Variants in CCSER1 observed in about 807,000 individuals in gnomAD.
CCSER1 encodes the protein coiled-coil serine rich protein 1.
CCSER1 carries 41 observed loss-of-function variants against 82.0 expected under a neutral mutation model. The observed-to-expected ratio is 0.50, with a 90% CI of 0.39 to 0.65. CCSER1 has a LOEUF of 0.65. Among genes scored for constraint, CCSER1 ranks in the 30% least tolerant of loss-of-function variants. The pLI is 0.00. For missense variants in CCSER1, 1,119 were observed against 1,064.2 expected, an observed-to-expected ratio of 1.05 and a Z score of -0.72; for synonymous variants, 414 against 383.9, an observed-to-expected ratio of 1.08 and a Z score of -0.92.
chr4:90,244,724 C>G (rs568648234), intron 1 of CCSER1, among the ~76,000 whole-genome samples: 1 of 152,146 alleles, frequency 6.6e-6, no homozygotes, highest in Admixed American at 6.6e-5. Context: ...ATGGGGAAAC[C>G]GCCCCCATAA....
chr4:90,483,984 A>T (rs189383693), intron 5 of CCSER1, among the ~76,000 whole-genome samples: 58 of 152,258 alleles, frequency 3.8e-4, no homozygotes, highest in African/African-American at 1.3e-3. Flanking sequence ...ACTTGGTTCC[A>T]TTCTCCCCAT....
At chr4:90,641,560 G>A (rs555447583) in intron 6 of CCSER1, among the ~76,000 whole-genome samples, 28 of 152,174 alleles carry the variant, frequency 1.8e-4, no homozygotes, top group Non-Finnish European at 3.5e-4. Context: ...TCCCTGTACA[G>A]CAACATTACT....
At chr4:91,403,167 G>A (rs949588337) in intron 10 of CCSER1, among the ~76,000 whole-genome samples, 18 of 152,108 alleles carry the variant, frequency 1.2e-4, no homozygotes, top group African/African-American at 4.3e-4. Context: ...ATTGTGAATG[G>A]GAGTTCACTC....
At chr4:90,371,499 TGAAAA>T (rs1168807378) in intron 3 of CCSER1, among the ~76,000 whole-genome samples, 1 of 151,638 alleles carries the variant, frequency 6.6e-6, no homozygotes, top group Non-Finnish European at 1.5e-5. Flanking sequence ...TTATACATAA[TGAAAA>T]TAAATAATAA....
chr4:91,340,586 C>A (rs1453071457), intron 10 of CCSER1, among the ~76,000 whole-genome samples: 6 of 152,020 alleles, frequency 3.9e-5, no homozygotes, highest in Non-Finnish European at 7.4e-5. Flanking sequence ...AGAAGAATTG[C>A]ATATTAAATG....
intron 10 of CCSER1, among the ~76,000 whole-genome samples, chr4:91,227,295 A>T (rs888996172): frequency 7.2e-5 from 11 of 152,024 alleles, no homozygotes; most frequent in Middle Eastern, 6.8e-3. Context: ...TAGTTAAAAA[A>T]AAAGGAAACC....
At chr4:90,809,657 A>G (rs376197022) in intron 7 of CCSER1, among the ~76,000 whole-genome samples, 2 of 152,204 alleles carry the variant, frequency 1.3e-5, no homozygotes. Flanking sequence ...GTAACCAAAA[A>G]CCACTTGTAC....
intron 6 of CCSER1, among the ~76,000 whole-genome samples, chr4:90,673,096 A>G (rs896613361): frequency 2.0e-5 from 3 of 152,036 alleles, no homozygotes; most frequent in East Asian, 1.9e-4. Context: ...TATTGGAAAA[A>G]TGGCCCCAAT....
intron 1 of CCSER1, among the ~76,000 whole-genome samples, chr4:90,248,700 AT>A (rs113045025): frequency 0.039 from 5,649 of 143,234 alleles, 245 homozygotes; most frequent in East Asian, 0.23. Context: ...AGAATTTTAG[AT>A]TTTTTTTTTT....
intron 5 of CCSER1, among the ~76,000 whole-genome samples, chr4:90,473,397 C>A (rs147352056): frequency 5.5e-4 from 84 of 152,106 alleles, no homozygotes; most frequent in African/African-American, 2.0e-3. Context: ...TAAATCTAAC[C>A]TTAGGAATAG....
rs566706244 is a variant in CCSER1 at position 90,534,130 on chromosome 4, TTTTG to T, written c.1724+65788_1724+65791del. Among the ~76,000 whole-genome samples the T allele has an allele frequency of 7.2e-5, 11 of 152,258 alleles. No individual in the cohort carries two copies. The South Asian group carries it at 8.3e-4, about 11-fold the overall frequency. On this transcript the variant is annotated intron_variant, in intron 5 of 10. Transcript: ENST00000509176. ...TGGAACAGAAATATGTGCCAGCTCT[TTTTG>T]TTTGTTTGTTTTTGAGACACAGTCT...
chr4:90,432,673 TG>T (rs1452931767), intron 4 of CCSER1, among the ~76,000 whole-genome samples: 1 of 152,008 alleles, frequency 6.6e-6, no homozygotes, highest in African/African-American at 2.4e-5. Context: ...CAGGCTGGCC[TG>T]AAAATCCCAC....
In CCSER1 at chr4:90,533,306, A is replaced by T. The variant is rs527884278; in HGVS notation, c.1724+64952A>T. On this transcript the variant is annotated intron_variant, in intron 5 of 10. Coordinates refer to ENST00000509176, the MANE Select transcript of CCSER1 (RefSeq NM_001145065.2). ...GAGACGGGGTTTCACCGTGTTAGCC[A>T]GGATGGTCTCCATCTCCTGACCTAG... Among the ~76,000 whole-genome samples, 21 of 152,082 alleles carry T rather than the reference A, an allele frequency of 1.4e-4. No individual in the cohort carries two copies. In the East Asian group the frequency reaches 3.7e-3, roughly 27 times the overall value.
rs373687296 is a variant in CCSER1, at chr4:90,906,093, A to G, written c.2095-17277A>G. On this transcript the variant is annotated intron_variant, in intron 8 of 10. Transcript: ENST00000509176. ...TTTAAATGTCTTTGCTACCATTTCT[A>G]TTTGAAAGATGAATAAACAGACATC... Among the ~76,000 whole-genome samples, 16 of 152,262 alleles carry G rather than the reference A, an allele frequency of 1.1e-4. 1 individual carries two copies. The South Asian group carries it at 2.7e-3, about 26-fold the overall frequency.
chr4:90,563,727 AT>A (rs1418620203), intron 5 of CCSER1, among the ~76,000 whole-genome samples: 1 of 152,090 alleles, frequency 6.6e-6, no homozygotes, highest in African/African-American at 2.4e-5. Flanking sequence ...GGCTGTTTTG[AT>A]TACTGCTACA....
chr4:91,569,841 T>C (rs1763081631), intron 10 of CCSER1, among the ~76,000 whole-genome samples: 1 of 152,146 alleles, frequency 6.6e-6, no homozygotes, highest in Admixed American at 6.5e-5. Context: ...AGCATAATAA[T>C]GCCTTTCTAA....
chr4:90,154,598 C>A (rs1649944414), intron 1 of CCSER1, among the ~76,000 whole-genome samples: 3 of 148,240 alleles, frequency 2.0e-5, no homozygotes, highest in Non-Finnish European at 4.5e-5. Context: ...CCTTCACATC[C>A]CTTGTAAGTT....
intron 3 of CCSER1, among the ~76,000 whole-genome samples, chr4:90,336,769 A>T (rs1049511789): frequency 3.3e-5 from 5 of 152,196 alleles, no homozygotes; most frequent in African/African-American, 4.8e-5. Context: ...AGTGAATCCA[A>T]TATGTAAAAA....
At chr4:90,494,482 A>G (rs1043147244) in intron 5 of CCSER1, among the ~76,000 whole-genome samples, 2 of 152,234 alleles carry the variant, frequency 1.3e-5, no homozygotes, top group Admixed American at 6.5e-5. Context: ...GCACCACATC[A>G]CACTTATTCC....
Sources: gnomAD v4.1 joint callset for allele counts (sites outside exome capture counted in the v4.1 genomes callset) on GRCh38, gnomAD v4.1.1 for gene constraint, MANE v1.5 for transcripts, NCBI Gene and HGNC (gene_info 2026-07-23, HGNC 2026-07-21) for gene names.